ITPR2: variants seen among roughly 807,000 people sequenced by gnomAD.
ITPR2 encodes the protein inositol 1,4,5-trisphosphate-gated calcium channel ITPR2.
A neutral mutation model predicts 317.1 loss-of-function variants in ITPR2; 207 were observed. That is an observed-to-expected ratio of 0.65 (90% CI 0.58 to 0.73). The LOEUF is 0.73. ITPR2 is among the 30% of genes least tolerant of loss of function. ITPR2 has a pLI of 0.00. For synonymous variants in ITPR2, 1,156 were observed against 1,149.1 expected, an observed-to-expected ratio of 1.01 and a Z score of -0.12; for missense variants, 2,613 against 3,284.0, an observed-to-expected ratio of 0.80 and a Z score of 4.99.
chr12:26,791,816 T>G (rs1010062126), intron 1 of ITPR2, among the ~76,000 whole-genome samples: 4 of 152,216 alleles, frequency 2.6e-5, no homozygotes, highest in South Asian at 2.1e-4. Context: ...GTGATAATAT[T>G]ACAACGTAAG....
chr12:26,556,192 G>A (rs1369183840), intron 36 of ITPR2, 41 bp downstream of exon 36: 1 of 1,601,712 alleles, frequency 6.2e-7, no homozygotes, highest in Non-Finnish European at 8.5e-7. Context: ...GGCCATGTCA[G>A]TTTGACGACA....
At chr12:26,498,502 G>A (rs1399330026) in intron 37 of ITPR2, among the ~76,000 whole-genome samples, 1 of 152,226 alleles carries the variant, frequency 6.6e-6, no homozygotes, top group Non-Finnish European at 1.5e-5. Context: ...GAGATGCTAT[G>A]AAAAATCTTT....
chr12:26,356,583 T>C (rs1013762066), intron 55 of ITPR2, among the ~76,000 whole-genome samples: 3 of 152,366 alleles, frequency 2.0e-5, no homozygotes, highest in Admixed American at 1.3e-4. Context: ...TTTACACAAA[T>C]GGAGTGTGGA....
chr12:26,449,616 A>G (rs1447422774), intron 45 of ITPR2, among the ~76,000 whole-genome samples: 2 of 152,208 alleles, frequency 1.3e-5, no homozygotes, highest in Non-Finnish European at 2.9e-5. Flanking sequence ...GAAAGGAACC[A>G]TGTAAGAAGT....
chr12:26,399,648 C>T (rs1258894548), intron 53 of ITPR2, among the ~76,000 whole-genome samples: 1 of 152,148 alleles, frequency 6.6e-6, no homozygotes, highest in African/African-American at 2.4e-5. Context: ...CAGCCTGGCA[C>T]TTGAGATTTT....
rs747511489 is a variant in ITPR2 at position 26,400,155 on chromosome 12, C to T, written c.7503G>A (p.Gly2501=). The change falls in exon 53 of 57, where the codon GGG becomes GGA. Residue 2501 remains glycine (G), a synonymous_variant. Coordinates refer to ENST00000381340, the MANE Select transcript of ITPR2 (RefSeq NM_002223.4). The stretch of plus-strand genomic sequence containing the variant: ...CTTTCGATGGCCTTCTTAGCACATC[C>T]CCCACACCACCGCCATTCCTGAGGC... ...NQGLRNGGGV[G]DVLRRPSKDE... 6.2e-7 allele frequency: 1 copy of T among 1,611,656 alleles called. No homozygotes were observed. The highest frequency in any genetic ancestry group is 1.1e-5 in the South Asian group (1 of 90,728).
intron 37 of ITPR2, among the ~76,000 whole-genome samples, chr12:26,547,100 C>G (rs946940649): frequency 6.6e-6 from 1 of 152,154 alleles, no homozygotes; most frequent in Admixed American, 6.6e-5. Context: ...AAACACTCAA[C>G]AGAGTGAAGA....
At chr12:26,624,378 T>G (rs772887497) in intron 23 of ITPR2, 22 bp from the exon 24 acceptor site, 1 of 1,565,930 alleles carries the variant, frequency 6.4e-7, no homozygotes, top group Non-Finnish European at 8.8e-7. Context: ...AATGGTAAAA[T>G]CTCTTCTTTA....
intron 37 of ITPR2, among the ~76,000 whole-genome samples, chr12:26,496,381 C>A (rs1942932210): frequency 6.6e-6 from 1 of 152,140 alleles, no homozygotes; most frequent in Non-Finnish European, 1.5e-5. Context: ...CATATTTTGG[C>A]TATTCTTTCT....
At chr12:26,400,494 T>TA (rs1398177549) in intron 52 of ITPR2, among the ~76,000 whole-genome samples, 2 of 152,142 alleles carry the variant, frequency 1.3e-5, no homozygotes, top group South Asian at 2.1e-4. Flanking sequence ...ACTTACGTTT[T>TA]AAAAAAATAC....
chr12:26,430,544 A>G (rs915034187), intron 48 of ITPR2, among the ~76,000 whole-genome samples: 5 of 152,206 alleles, frequency 3.3e-5, no homozygotes, highest in Non-Finnish European at 7.4e-5. Context: ...GATTACGGGC[A>G]TGAGCCACCT....
chr12:26,546,372 C>T (rs2136995246), intron 37 of ITPR2, among the ~76,000 whole-genome samples: 1 of 152,260 alleles, frequency 6.6e-6, no homozygotes, highest in Middle Eastern at 3.4e-3. Flanking sequence ...GTCTCTGTTA[C>T]CTATCTTTCC....
At chr12:26,664,844 T>A (rs1048269824) in intron 14 of ITPR2, among the ~76,000 whole-genome samples, 2 of 152,176 alleles carry the variant, frequency 1.3e-5, no homozygotes, top group African/African-American at 4.8e-5. Flanking sequence ...ACCTTTATTT[T>A]ATTTGAGAAA....
intron 21 of ITPR2, among the ~76,000 whole-genome samples, chr12:26,652,942 T>A (rs1047021744): frequency 3.9e-5 from 6 of 152,248 alleles, no homozygotes; most frequent in Non-Finnish European, 8.8e-5. Context: ...AAAAACTTTG[T>A]ATTGACTTAT....
At chr12:26,642,894 C>T (rs1035398124) in intron 21 of ITPR2, among the ~76,000 whole-genome samples, 1 of 152,162 alleles carries the variant, frequency 6.6e-6, no homozygotes, top group South Asian at 2.1e-4. Context: ...ACTCCCCAAG[C>T]TGCTGGAGTG....
intron 9 of ITPR2, among the ~76,000 whole-genome samples, chr12:26,705,445 C>A (rs558330664): frequency 2.6e-5 from 4 of 152,176 alleles, no homozygotes; most frequent in Non-Finnish European, 5.9e-5. Flanking sequence ...CCCAGTCTCT[C>A]CCTCATCCTT....
At chr12:26,802,602 G>GATATATCTAT (rs1205354717) in intron 1 of ITPR2, among the ~76,000 whole-genome samples, 1 of 10,052 alleles carries the variant, frequency 9.9e-5, no homozygotes, top group African/African-American at 3.1e-4. Context: ...TATAGATATA[G>GATATATCTAT]ATATAGATAT....
intron 1 of ITPR2, among the ~76,000 whole-genome samples, chr12:26,817,145 C>T: frequency 7.5e-6 from 1 of 132,980 alleles, no homozygotes; most frequent in East Asian, 2.3e-4. Context: ...CACGCCACTG[C>T]ACTCCAGCCT....
chr12:26,574,022 A>G (rs1405573706), intron 34 of ITPR2, among the ~76,000 whole-genome samples: 1 of 152,198 alleles, frequency 6.6e-6, no homozygotes, highest in African/African-American at 2.4e-5. Context: ...AAAGAAAAAG[A>G]GAGATTCTGG....
Sources: gnomAD v4.1 joint callset for allele counts (sites outside exome capture counted in the v4.1 genomes callset) on GRCh38, gnomAD v4.1.1 for gene constraint, MANE v1.5 for transcripts, NCBI Gene and HGNC (gene_info 2026-07-23, HGNC 2026-07-21) for gene names.